Variants in CYP19A1 observed in about 807,000 individuals in gnomAD.
The protein encoded by CYP19A1 is cytochrome P450 family 19 subfamily A member 1.
CYP19A1 carries 32 observed loss-of-function variants against 44.4 expected under a neutral mutation model. The observed-to-expected ratio is 0.72, with a 90% CI of 0.54 to 0.97. The LOEUF (loss-of-function observed/expected upper bound fraction) is 0.97. Ranked by LOEUF, CYP19A1 falls within the 50% of genes least tolerant of loss-of-function variation. The probability of loss-of-function intolerance (pLI) is 0.00; values close to 1 mark genes in which losing one functional copy is unlikely to be tolerated. For missense variants in CYP19A1, 598 were observed against 637.8 expected (o/e 0.94, Z 0.67); for synonymous variants, 212 against 215.6 (o/e 0.98, Z 0.14).
At chr15:51,282,841 G>A (rs950680362) in intron 1 of CYP19A1, among the ~76,000 whole-genome samples, 3 of 152,202 alleles carry the variant, frequency 2.0e-5, no homozygotes, top group Non-Finnish European at 4.4e-5. Flanking sequence ...GGTAACAACA[G>A]GACAAAGTGA....
chr15:51,327,492 C>CT (rs749237607), intron 1 of CYP19A1, among the ~76,000 whole-genome samples: 153 of 143,634 alleles, frequency 1.1e-3, no homozygotes, highest in Middle Eastern at 3.6e-3. Context: ...TGACATTGTT[C>CT]TTTTTTTTTT....
At chr15:51,318,368 A>G (rs1037661505) in intron 1 of CYP19A1, 1 of 152,254 alleles carries the variant, frequency 6.6e-6, no homozygotes, top group Non-Finnish European at 1.5e-5. Flanking sequence ...ACATTCTAAC[A>G]TCTTCCTGAT....
intron 1 of CYP19A1, among the ~76,000 whole-genome samples, chr15:51,245,242 C>A (rs556722703): frequency 2.0e-5 from 3 of 152,164 alleles, no homozygotes; most frequent in Non-Finnish European, 2.9e-5. Flanking sequence ...AGTTAAGAAG[C>A]CTCGTTTCTC....
intron 1 of CYP19A1, among the ~76,000 whole-genome samples, chr15:51,286,894 G>T (rs2035715589): frequency 6.6e-6 from 1 of 152,236 alleles, no homozygotes; most frequent in Non-Finnish European, 1.5e-5. Context: ...AGCCACAGCA[G>T]ATTCAGAATA....
At chr15:51,241,076 A>G (rs2033733594) in intron 2 of CYP19A1, among the ~76,000 whole-genome samples, 1 of 152,200 alleles carries the variant, frequency 6.6e-6, no homozygotes, top group South Asian at 2.1e-4. Context: ...GCTGAGAATC[A>G]CTGTGCTACT....
At chr15:51,249,319 C>A (rs1456105638) in intron 1 of CYP19A1, among the ~76,000 whole-genome samples, 1 of 152,166 alleles carries the variant, frequency 6.6e-6, no homozygotes, top group Non-Finnish European at 1.5e-5. Context: ...CAACATCTTA[C>A]CTGCTGAGTT....
chr15:51,257,139 T>C (rs2034545112), intron 1 of CYP19A1, among the ~76,000 whole-genome samples: 1 of 152,240 alleles, frequency 6.6e-6, no homozygotes, highest in South Asian at 2.1e-4. Flanking sequence ...TCGTTGCTGC[T>C]GGTAAGAATG....
intron 1 of CYP19A1, among the ~76,000 whole-genome samples, chr15:51,305,705 C>A (rs1439895560): frequency 2.0e-5 from 3 of 152,106 alleles, no homozygotes; most frequent in African/African-American, 7.2e-5. Flanking sequence ...GAACTACAGG[C>A]ATGCATCACC....
chr15:51,235,053 G>A (rs564997372), intron 3 of CYP19A1, among the ~76,000 whole-genome samples: 2 of 152,194 alleles, frequency 1.3e-5, no homozygotes, highest in East Asian at 1.9e-4. Flanking sequence ...AAAGAGCAGC[G>A]GCAAATGTCC....
At position 51,208,202 on chromosome 15, in the gene CYP19A1, G is replaced by A. The variant is rs533793685; in HGVS notation, c.*2606C>T. ...TGCTTTTGTGGAACATTAGCATCAT[G>A]AACAGTGAAAGGTGCTGCTTAGGAA... On this transcript the variant is annotated 3_prime_UTR_variant, in exon 10 of 10. Coordinates refer to ENST00000396402, the MANE Select transcript of CYP19A1 (RefSeq NM_000103.4). 6.6e-6 allele frequency: 1 copy of A among 152,280 alleles called. No homozygotes were observed. Among genetic ancestry groups the A allele is most frequent in the Non-Finnish European group, 1.5e-5 (1 of 68,016 alleles). 9.4% of individuals were successfully genotyped at this position (152,280 alleles called of 1,614,324 possible).
intron 6 of CYP19A1, 88 bp downstream of exon 6, chr15:51,218,453 C>T (rs1472041984): frequency 1.4e-5 from 22 of 1,526,480 alleles, no homozygotes; most frequent in Non-Finnish European, 1.8e-5. Context: ...AGAAAAGTTA[C>T]CTGAGAGGCC....
Position 51,210,453 on chromosome 15 carries a change from G to T in CYP19A1, c.*355C>A. On this transcript the variant is annotated 3_prime_UTR_variant, in exon 10 of 10. Coordinates refer to ENST00000396402, the MANE Select transcript of CYP19A1 (RefSeq NM_000103.4). ...TGCCCCAGACATAAAAATCCCCTTGGGTTGAGGCAGTAGAGCTCTACTGGG... is the reference window on the plus strand; with the variant it reads ...TGCCCCAGACATAAAAATCCCCTTGTGTTGAGGCAGTAGAGCTCTACTGGG... 1 of 525,564 alleles carries T rather than the reference G, an allele frequency of 1.9e-6. No individual in the cohort carries two copies. Among genetic ancestry groups the T allele is most frequent in the Non-Finnish European group, 3.7e-6 (1 of 271,050 alleles). The allele number at this position is 525,564 out of a possible 1,614,324, so 32.6% of individuals were successfully genotyped here. A position where few individuals can be genotyped will look rare whatever the true frequency, so the allele number is the denominator to read the frequency against.
At chr15:51,281,460 C>T (rs150549196) in intron 1 of CYP19A1, among the ~76,000 whole-genome samples, 1 of 152,204 alleles carries the variant, frequency 6.6e-6, no homozygotes, top group Non-Finnish European at 1.5e-5. Context: ...GGAGCCAGAG[C>T]ACTGCGGGCA....
chr15:51,266,603 T>C (rs1052088936), intron 1 of CYP19A1, among the ~76,000 whole-genome samples: 1 of 152,266 alleles, frequency 6.6e-6, no homozygotes, highest in Non-Finnish European at 1.5e-5. Context: ...ATTTTTATTT[T>C]GAAATTCCAT....
intron 1 of CYP19A1, among the ~76,000 whole-genome samples, chr15:51,326,629 G>A (rs1314279689): frequency 2.0e-5 from 3 of 152,130 alleles, no homozygotes; most frequent in East Asian, 3.8e-4. Flanking sequence ...AAAATTACAA[G>A]TTATGGAATA....
rs549210415 is a variant in CYP19A1 at position 51,248,449 on chromosome 15, G to A, written c.-38-5499C>T. Among the ~76,000 whole-genome samples the A allele has an allele frequency of 2.6e-5, 4 of 152,128 alleles. No homozygotes were observed. In the South Asian group the frequency reaches 8.3e-4, roughly 32 times the overall value. On this transcript the variant is annotated intron_variant, in intron 1 of 9. Coordinates refer to ENST00000396402, the MANE Select transcript of CYP19A1 (RefSeq NM_000103.4). ...AGTGACTTTGTAATGTCAGCCATAG[G>A]GAACTCACCATTTTATCTAATGAAA...
chr15:51,307,389 G>C (rs903298784), intron 1 of CYP19A1, among the ~76,000 whole-genome samples: 1 of 152,202 alleles, frequency 6.6e-6, no homozygotes, highest in South Asian at 2.1e-4. Context: ...TTTGAGGGGG[G>C]ACAAGTGGTC....
In CYP19A1 at chr15:51,307,456, C is replaced by A. The variant is rs554862318; in HGVS notation, c.-39+31039G>T. ...TATAATTTTAGTGTGCTTACTCTAA[C>A]ATTCTTACAGAATTAGCTCATGACT... On this transcript the variant is annotated intron_variant, in intron 1 of 9. Transcript: ENST00000396402. 1.4e-4 allele frequency among the ~76,000 whole-genome samples: 21 copies of A among 152,310 alleles called. No individual in the cohort carries two copies. In the South Asian group the frequency reaches 3.7e-3, roughly 27 times the overall value.
At chr15:51,330,384 G>T (rs568573264) in intron 1 of CYP19A1, among the ~76,000 whole-genome samples, 15 of 152,278 alleles carry the variant, frequency 9.9e-5, no homozygotes, top group African/African-American at 3.6e-4. Context: ...AATGTCAAGT[G>T]AGGAAAGGAT....
Sources: gnomAD v4.1 joint callset for allele counts (sites outside exome capture counted in the v4.1 genomes callset) on GRCh38, gnomAD v4.1.1 for gene constraint, MANE v1.5 for transcripts, NCBI Gene and HGNC (gene_info 2026-07-23, HGNC 2026-07-21) for gene names.